PALM2AKAP2: variants seen among roughly 807,000 people sequenced by gnomAD.
PALM2AKAP2 encodes the protein PALM2 and AKAP2 fusion.
PALM2AKAP2 carries 37 observed loss-of-function variants against 71.5 expected under a neutral mutation model. The ratio of observed to expected loss-of-function variants is 0.52; its 90% CI spans 0.40 to 0.68. The LOEUF (loss-of-function observed/expected upper bound fraction) is 0.68, where lower values mean the gene tolerates loss of function less well. PALM2AKAP2 is among the 30% of genes least tolerant of loss of function. The pLI, the probability that PALM2AKAP2 is intolerant of heterozygous loss-of-function variation, is 0.00. For missense variants in PALM2AKAP2, 1,224 were observed against 1,191.8 expected, an observed-to-expected ratio of 1.03 and a Z score of -0.40; for synonymous variants, 468 against 478.8, an observed-to-expected ratio of 0.98 and a Z score of 0.29.
intron 6 of PALM2AKAP2, among the ~76,000 whole-genome samples, chr9:109,935,093 C>T (rs547464934): frequency 1.3e-5 from 2 of 152,290 alleles, no homozygotes; most frequent in South Asian, 4.2e-4. Context: ...CGCGCAGTTC[C>T]TCCATCCTCA....
rs547195721 is a variant in PALM2AKAP2, at chr9:109,866,548, A to G, written c.46-943A>G. Among the ~76,000 whole-genome samples, 3 of 152,318 alleles carry G rather than the reference A, an allele frequency of 2.0e-5. No individual in the cohort carries two copies. The East Asian group carries it at 5.8e-4, about 29-fold the overall frequency. On this transcript the variant is annotated intron_variant, in intron 1 of 9. Coordinates refer to the PALM2AKAP2 transcript ENST00000302798. ...AAATATGAAGGGTACACTCTAATGG[A>G]AAGGTTATAGTGGAAATGCAAGGAA...
chr9:109,996,586 T>C (rs1832579682), intron 6 of PALM2AKAP2, among the ~76,000 whole-genome samples: 1 of 152,240 alleles, frequency 6.6e-6, no homozygotes, highest in South Asian at 2.1e-4. Context: ...TGCTTCCTTC[T>C]TCATATACAG....
intron 6 of PALM2AKAP2, among the ~76,000 whole-genome samples, chr9:109,997,016 C>A (rs1473278902): frequency 6.6e-6 from 1 of 152,016 alleles, no homozygotes; most frequent in Admixed American, 6.6e-5. Flanking sequence ...TGGTGAGACC[C>A]CATCTCTACT....
intron 1 of PALM2AKAP2, among the ~76,000 whole-genome samples, chr9:110,084,798 C>T (rs548441940): frequency 2.7e-4 from 41 of 151,944 alleles, no homozygotes; most frequent in Non-Finnish European, 4.6e-4. Flanking sequence ...TACAGTGGCA[C>T]GATCTCGGCT....
chr9:109,887,954 C>T (rs889289455), intron 3 of PALM2AKAP2, among the ~76,000 whole-genome samples: 2 of 152,140 alleles, frequency 1.3e-5, no homozygotes, highest in East Asian at 1.9e-4. Context: ...CTTCAGAAGG[C>T]GGTGCATCAG....
At chr9:109,850,631 C>T (rs1293433455) in intron 1 of PALM2AKAP2, among the ~76,000 whole-genome samples, 1 of 152,092 alleles carries the variant, frequency 6.6e-6, no homozygotes, top group South Asian at 2.1e-4. Flanking sequence ...GCTCTACTTG[C>T]CCTAAGTCAA....
At chr9:109,799,187 G>T (rs1355745471) in intron 1 of PALM2AKAP2, among the ~76,000 whole-genome samples, 1 of 152,262 alleles carries the variant, frequency 6.6e-6, no homozygotes, top group East Asian at 1.9e-4. Flanking sequence ...TGATGGAGCA[G>T]AACAGTGTCA....
chr9:109,968,482 G>A (rs1212301324), intron 6 of PALM2AKAP2, among the ~76,000 whole-genome samples: 5 of 152,180 alleles, frequency 3.3e-5, no homozygotes, highest in African/African-American at 4.8e-5. Context: ...TTTCTCCGAA[G>A]ACGTCTAGCT....
At chr9:109,651,761 T>G (rs1187527037) in intron 1 of PALM2AKAP2, among the ~76,000 whole-genome samples, 2 of 152,244 alleles carry the variant, frequency 1.3e-5, no homozygotes, top group Admixed American at 6.5e-5. Flanking sequence ...TACTTCCCAC[T>G]GAAAGATGTC....
intron 1 of PALM2AKAP2, among the ~76,000 whole-genome samples, chr9:110,091,319 C>T (rs1834699842): frequency 6.6e-6 from 1 of 152,004 alleles, no homozygotes; most frequent in African/African-American, 2.4e-5. Flanking sequence ...AGAGAGGTAA[C>T]TTCCTTTTCA....
At chr9:110,030,922 A>G (rs548715030) in intron 7 of PALM2AKAP2, among the ~76,000 whole-genome samples, 1 of 152,286 alleles carries the variant, frequency 6.6e-6, no homozygotes, top group African/African-American at 2.4e-5. Flanking sequence ...CATTGCAACA[A>G]CTACTTCTTC....
chr9:109,803,674 G>T (rs1348722574), intron 1 of PALM2AKAP2, among the ~76,000 whole-genome samples: 1 of 152,194 alleles, frequency 6.6e-6, no homozygotes, highest in East Asian at 1.9e-4. Flanking sequence ...GCTGCAGGAG[G>T]CAGGAAAGCA....
At chr9:109,640,951 G>T in intron 1 of PALM2AKAP2, 1 of 1,439,018 alleles carries the variant, frequency 6.9e-7, no homozygotes, top group Non-Finnish European at 9.1e-7. Flanking sequence ...ATCCCGCTCG[G>T]GTCCGCGTCC....
chr9:109,739,270 G>A (rs994203106), intron 1 of PALM2AKAP2, among the ~76,000 whole-genome samples: 1 of 152,128 alleles, frequency 6.6e-6, no homozygotes, highest in African/African-American at 2.4e-5. Flanking sequence ...AGAAAGTACA[G>A]GTTGTTATAT....
chr9:110,138,158 C>A (rs1374800896), exon 2 of PALM2AKAP2: 3 of 1,613,828 alleles, frequency 1.9e-6, no homozygotes, highest in Non-Finnish European at 2.5e-6. Flanking sequence ...GGATGTATTA[C>A]CAAAGATTCT....
intron 1 of PALM2AKAP2, among the ~76,000 whole-genome samples, chr9:109,740,756 C>T (rs1037800660): frequency 1.9e-4 from 29 of 152,110 alleles, no homozygotes; most frequent in Admixed American, 7.9e-4. Flanking sequence ...CGGGTTCAAG[C>T]GATTCTCCTG....
rs553639340 is a variant in PALM2AKAP2, at chr9:109,696,111, A to G, written c.5+55245A>G. ...CATTACACATTGCATAAATGTATCA[A>G]AATATCAAATGTACCCCCAAAATAT... is the stretch of plus-strand genomic sequence containing the variant. On this transcript the variant is annotated intron_variant, in intron 1 of 6. Coordinates refer to the PALM2AKAP2 transcript ENST00000374531. Among the ~76,000 whole-genome samples the G allele has an allele frequency of 4.6e-5, 7 of 152,338 alleles. No individual in the cohort carries two copies. The South Asian group carries it at 1.5e-3, about 32-fold the overall frequency.
chr9:109,943,115 C>T, intron 6 of PALM2AKAP2: 1 of 1,614,186 alleles, frequency 6.2e-7, no homozygotes. Context: ...TTGGATCAGC[C>T]CGTCACCATG....
intron 1 of PALM2AKAP2, among the ~76,000 whole-genome samples, chr9:110,096,484 C>CTTAAA (rs1834842685): frequency 7.2e-6 from 1 of 138,522 alleles, no homozygotes. Flanking sequence ...CCAGGCTGGT[C>CTTAAA]TTAAACTCCT....
Sources: gnomAD v4.1 joint callset for allele counts (sites outside exome capture counted in the v4.1 genomes callset) on GRCh38, gnomAD v4.1.1 for gene constraint, MANE v1.5 for transcripts, NCBI Gene and HGNC (gene_info 2026-07-23, HGNC 2026-07-21) for gene names.